The following ME3 variants were observed in gnomAD, a reference collection of about 807,000 sequenced individuals.
The protein encoded by ME3 is NADP-dependent malic enzyme, mitochondrial.
Under a neutral mutation model 68.9 loss-of-function variants are expected in ME3, and 48 were observed. The observed-to-expected ratio is 0.70, with a 90% CI of 0.55 to 0.89. ME3 has a LOEUF of 0.89. Among genes scored for constraint, ME3 ranks in the 40% least tolerant of loss-of-function variants. The pLI is 0.00. For synonymous variants in ME3, 320 were observed against 318.8 expected, an observed-to-expected ratio of 1.00 and a Z score of -0.04; for missense variants, 675 against 797.4, an observed-to-expected ratio of 0.85 and a Z score of 1.85.
chr11:86,537,723 T>C (rs1056066854), intron 4 of ME3, among the ~76,000 whole-genome samples: 2 of 152,206 alleles, frequency 1.3e-5, no homozygotes, highest in Admixed American at 6.5e-5. Flanking sequence ...TCAGCCTGTC[T>C]TGGAACCCAG....
intron 2 of ME3, among the ~76,000 whole-genome samples, chr11:86,593,556 A>G (rs1959168663): frequency 6.8e-6 from 1 of 146,634 alleles, no homozygotes; most frequent in Non-Finnish European, 1.5e-5. Context: ...CCTAAGTTCA[A>G]TAGGAATTTT....
chr11:86,608,598 T>C (rs777881605), intron 2 of ME3, among the ~76,000 whole-genome samples: 2 of 152,174 alleles, frequency 1.3e-5, no homozygotes, highest in Non-Finnish European at 2.9e-5. Context: ...GCAGAACTTG[T>C]GGGCTTGGAA....
At chr11:86,475,175 G>T (rs1950990429) in intron 7 of ME3, among the ~76,000 whole-genome samples, 1 of 152,184 alleles carries the variant, frequency 6.6e-6, no homozygotes, top group Admixed American at 6.5e-5. Context: ...GGAAGTGATT[G>T]GATCATGGGG....
At chr11:86,643,227 G>A (rs1421106419) in intron 2 of ME3, among the ~76,000 whole-genome samples, 1 of 152,064 alleles carries the variant, frequency 6.6e-6, no homozygotes, top group Non-Finnish European at 1.5e-5. Flanking sequence ...TCTGTCTAAA[G>A]TTCAAATCCT....
chr11:86,559,575 T>C, intron 3 of ME3, 115 bp downstream of exon 3: 1 of 1,317,018 alleles, frequency 7.6e-7, no homozygotes, highest in South Asian at 1.7e-5. Context: ...CTGGGATCTC[T>C]TTGGGCTCTC....
exon 15 of ME3, chr11:86,441,191 G>A: frequency 8.0e-7 from 1 of 1,253,756 alleles, no homozygotes; most frequent in Non-Finnish European, 1.1e-6. Flanking sequence ...ACAGCGACAA[G>A]GATTCACTTG....
intron 8 of ME3, among the ~76,000 whole-genome samples, chr11:86,463,208 GTGTC>G (rs1294876974): frequency 1.3e-5 from 2 of 152,178 alleles, no homozygotes; most frequent in African/African-American, 4.8e-5. Context: ...GGCTGTCTGT[GTGTC>G]TGTACAGCTG....
At chr11:86,474,872 T>A (rs1160670532) in intron 7 of ME3, among the ~76,000 whole-genome samples, 3 of 152,254 alleles carry the variant, frequency 2.0e-5, no homozygotes, top group Admixed American at 2.0e-4. Context: ...TATTTGGGAA[T>A]TTCCCTTGTA....
At chr11:86,480,945 T>C (rs1951369081) in intron 7 of ME3, among the ~76,000 whole-genome samples, 2 of 152,176 alleles carry the variant, frequency 1.3e-5, no homozygotes, top group South Asian at 4.1e-4. Flanking sequence ...TATTGGTCCT[T>C]ACACCCTCAC....
chr11:86,470,150 A>G (rs750169891), intron 7 of ME3, among the ~76,000 whole-genome samples: 1 of 152,026 alleles, frequency 6.6e-6, no homozygotes, highest in Admixed American at 6.6e-5. Flanking sequence ...AGGACCTGCC[A>G]TTTTTTCAAA....
At chr11:86,528,884 A>T (rs1954981726) in intron 4 of ME3, among the ~76,000 whole-genome samples, 1 of 152,174 alleles carries the variant, frequency 6.6e-6, no homozygotes, top group African/African-American at 2.4e-5. Context: ...TATAGCACTA[A>T]ATGCCCACAA....
chr11:86,452,124 C>T (rs905924334), intron 8 of ME3, among the ~76,000 whole-genome samples: 1 of 152,104 alleles, frequency 6.6e-6, no homozygotes, highest in African/African-American at 2.4e-5. Context: ...TACCATTTCA[C>T]CTAATAACCC....
chr11:86,525,937 G>A (rs894773853), intron 4 of ME3, among the ~76,000 whole-genome samples: 11 of 152,040 alleles, frequency 7.2e-5, no homozygotes, highest in Admixed American at 2.6e-4. Flanking sequence ...AGCTCCCAGC[G>A]TGAGCAACAG....
At chr11:86,619,593 T>C (rs543706547) in intron 2 of ME3, among the ~76,000 whole-genome samples, 1 of 152,236 alleles carries the variant, frequency 6.6e-6, no homozygotes, top group Non-Finnish European at 1.5e-5. Flanking sequence ...CTGATGGTTT[T>C]ATAAGGGGAA....
chr11:86,612,085 A>AC (rs1301943199), intron 2 of ME3, among the ~76,000 whole-genome samples: 1 of 152,052 alleles, frequency 6.6e-6, no homozygotes, highest in Non-Finnish European at 1.5e-5. Context: ...CCCCAACAGG[A>AC]CCTGGTGTGT....
intron 2 of ME3, among the ~76,000 whole-genome samples, chr11:86,593,402 C>A (rs1370324836): frequency 6.8e-6 from 1 of 146,712 alleles, no homozygotes; most frequent in Non-Finnish European, 1.5e-5. Flanking sequence ...ACAGCAACAG[C>A]TATCATTTCC....
At chr11:86,588,161 G>C (rs1958848114) in intron 2 of ME3, among the ~76,000 whole-genome samples, 1 of 152,210 alleles carries the variant, frequency 6.6e-6, no homozygotes, top group Non-Finnish European at 1.5e-5. Context: ...TGCCCTCCTG[G>C]AGCTTACAGA....
exon 4 of ME3, chr11:86,556,590 C>T (rs1205141694): frequency 6.2e-7 from 1 of 1,613,982 alleles, no homozygotes; most frequent in Non-Finnish European, 8.5e-7. Context: ...TGCTGACAGG[C>T]CAGCCCCACG....
At chr11:86,490,435 C>T (rs1951931885) in intron 6 of ME3, among the ~76,000 whole-genome samples, 2 of 152,154 alleles carry the variant, frequency 1.3e-5, no homozygotes, top group African/African-American at 4.8e-5. Context: ...TACCCTTCCA[C>T]ATGCTACCTT....
Sources: gnomAD v4.1 joint callset for allele counts (sites outside exome capture counted in the v4.1 genomes callset) on GRCh38, gnomAD v4.1.1 for gene constraint, MANE v1.5 for transcripts, NCBI Gene and HGNC (gene_info 2026-07-23, HGNC 2026-07-21) for gene names.